The following S100Z variants were observed in gnomAD, a reference collection of about 807,000 sequenced individuals.
S100Z encodes the protein S100 calcium binding protein Z, also known as protein S100-Z.
A neutral mutation model predicts 8.5 loss-of-function variants in S100Z; 11 were observed. The observed-to-expected ratio is 1.30, with a 90% CI of 0.82 to 2.15. The LOEUF is 2.15. Among genes scored for constraint, S100Z ranks in the 30% most tolerant of loss-of-function variants. The pLI, the probability that S100Z is intolerant of heterozygous loss-of-function variation, is 0.00. For missense variants in S100Z, 126 were observed against 117.9 expected (o/e 1.07, Z -0.32); for synonymous variants, 34 against 43.8 (o/e 0.78, Z 0.89).
intron 1 of S100Z, among the ~76,000 whole-genome samples, chr5:76,861,865 A>G (rs1351794763): frequency 1.3e-5 from 2 of 152,200 alleles, no homozygotes. Flanking sequence ...CCCTATTTTC[A>G]GAGAAAGAAT....
intron 1 of S100Z, among the ~76,000 whole-genome samples, chr5:76,854,930 C>T (rs1750839911): frequency 6.6e-6 from 1 of 152,246 alleles, no homozygotes; most frequent in Non-Finnish European, 1.5e-5. Context: ...TGGGACACTG[C>T]TTCTTGCATC....
chr5:76,952,455 G>C, the S100Z span, among the ~76,000 whole-genome samples: 1 of 152,206 alleles, frequency 6.6e-6, no homozygotes, highest in African/African-American at 2.4e-5. Flanking sequence ...ACTGGACCAG[G>C]ATAAAGCAAA....
At chr5:76,866,328 G>A (rs2150630113) in intron 1 of S100Z, among the ~76,000 whole-genome samples, 1 of 152,116 alleles carries the variant, frequency 6.6e-6, no homozygotes, top group African/African-American at 2.4e-5. Flanking sequence ...CAAATGATCT[G>A]CCTGCCTCAG....
intron 2 of S100Z, among the ~76,000 whole-genome samples, chr5:76,874,986 G>A (rs942969312): frequency 6.6e-6 from 1 of 152,030 alleles, no homozygotes; most frequent in Non-Finnish European, 1.5e-5. Context: ...CCGGGTTCAC[G>A]CCGTTCTCCT....
chr5:76,938,340 T>A, the S100Z span, among the ~76,000 whole-genome samples: 1 of 152,140 alleles, frequency 6.6e-6, no homozygotes, highest in African/African-American at 2.4e-5. Flanking sequence ...AGGGGAAGGT[T>A]AGAGTAGTAT....
chr5:76,874,308 T>G (rs1331931723), intron 2 of S100Z, among the ~76,000 whole-genome samples: 2 of 152,170 alleles, frequency 1.3e-5, no homozygotes, highest in Non-Finnish European at 2.9e-5. Context: ...AACTAGTGTT[T>G]CTTCTTTGCT....
chr5:76,916,002 A>G (rs1301202493), intron 4 of S100Z, among the ~76,000 whole-genome samples: 1 of 152,060 alleles, frequency 6.6e-6, no homozygotes, highest in Non-Finnish European at 1.5e-5. Context: ...CTCTACTAAA[A>G]ATACAAAAAT....
At chr5:76,934,452 G>A in the S100Z span, among the ~76,000 whole-genome samples, 1 of 152,198 alleles carries the variant, frequency 6.6e-6, no homozygotes, top group Admixed American at 6.5e-5. Context: ...AAGGAGAAAT[G>A]AGTAGGCAAG....
rs146437143 is a variant in S100Z, at chr5:76,882,740, G to A, written c.*2+4906G>A. On this transcript the variant is annotated intron_variant, in intron 4 of 4. Transcript: ENST00000317593. ...TTGACTGAAGTAATGGGGGCTGTCC[G>A]TGAAGCCTTGTGGCAGTACAGCCCA... Among the ~76,000 whole-genome samples, 311 of 152,296 alleles carry A rather than the reference G, an allele frequency of 2.0e-3. 7 individuals carry two copies. The highest frequency in any genetic ancestry group is 0.015 in the Admixed American group (237 of 15,296).
At chr5:76,939,955 C>T in the S100Z span, among the ~76,000 whole-genome samples, 24 of 151,756 alleles carry the variant, frequency 1.6e-4, no homozygotes, top group Non-Finnish European at 3.1e-4. Context: ...GTCAAGAGAT[C>T]GAGACCATTC....
At chr5:76,944,449 T>C in the S100Z span, among the ~76,000 whole-genome samples, 3 of 152,146 alleles carry the variant, frequency 2.0e-5, no homozygotes, top group African/African-American at 7.2e-5. Context: ...GAATAAAATA[T>C]GACAAAGGCT....
At chr5:76,869,227 T>G (rs1580003434) in intron 1 of S100Z, among the ~76,000 whole-genome samples, 1 of 150,896 alleles carries the variant, frequency 6.6e-6, no homozygotes, top group Admixed American at 6.6e-5. Context: ...GTGTGGAGGG[T>G]GGGGAACATA....
At chr5:76,915,998 T>C (rs2150685249) in intron 4 of S100Z, among the ~76,000 whole-genome samples, 1 of 152,000 alleles carries the variant, frequency 6.6e-6, no homozygotes, top group South Asian at 2.1e-4. Flanking sequence ...TCGTCTCTAC[T>C]AAAAATACAA....
chr5:76,938,170 A>T, the S100Z span, among the ~76,000 whole-genome samples: 2 of 152,186 alleles, frequency 1.3e-5, no homozygotes, highest in African/African-American at 4.8e-5. Context: ...GGGAATAGAC[A>T]GGGGACTCAA....
chr5:76,935,989 A>G, the S100Z span, among the ~76,000 whole-genome samples: 1 of 152,066 alleles, frequency 6.6e-6, no homozygotes, highest in African/African-American at 2.4e-5. Context: ...GTTGGCCAGG[A>G]TGGTCTTGAA....
At chr5:76,857,650 C>T (rs1750924474) in intron 1 of S100Z, among the ~76,000 whole-genome samples, 1 of 152,068 alleles carries the variant, frequency 6.6e-6, no homozygotes, top group South Asian at 2.1e-4. Context: ...CGGCATGTGC[C>T]ACTATCCCCA....
At chr5:76,901,742 C>T (rs1254786995) in intron 4 of S100Z, among the ~76,000 whole-genome samples, 1 of 152,178 alleles carries the variant, frequency 6.6e-6, no homozygotes, top group Admixed American at 6.5e-5. Flanking sequence ...GACAAAGTCC[C>T]CTTTACTTTA....
At chr5:76,863,624 C>T (rs567717769) in intron 1 of S100Z, among the ~76,000 whole-genome samples, 200 of 151,978 alleles carry the variant, frequency 1.3e-3, no homozygotes, top group Non-Finnish European at 1.7e-3. Context: ...CTGCAAGCTC[C>T]GCCTCCCGGG....
chr5:76,910,428 C>T (rs1327928951), intron 4 of S100Z, among the ~76,000 whole-genome samples: 1 of 152,180 alleles, frequency 6.6e-6, no homozygotes, highest in East Asian at 1.9e-4. Context: ...AGAAAGGCCG[C>T]AGCCTTAGTC....
Sources: gnomAD v4.1 joint callset for allele counts (sites outside exome capture counted in the v4.1 genomes callset) on GRCh38, gnomAD v4.1.1 for gene constraint, MANE v1.5 for transcripts, NCBI Gene and HGNC (gene_info 2026-07-23, HGNC 2026-07-21) for gene names.